The following SMAP2 variants were observed in gnomAD, a reference collection of about 807,000 sequenced individuals.
SMAP2 encodes the protein small ArfGAP2.
A neutral mutation model predicts 56.4 loss-of-function variants in SMAP2; 25 were observed. That is an observed-to-expected ratio of 0.44 (90% confidence interval 0.32 to 0.62). The LOEUF is 0.62. Ranked by LOEUF, SMAP2 falls within the 20% of genes least tolerant of loss-of-function variation. The probability of loss-of-function intolerance (pLI) is 0.04; values close to 1 mark genes in which losing one functional copy is unlikely to be tolerated. For synonymous variants in SMAP2, 157 were observed against 181.7 expected (o/e 0.86, Z 1.09); for missense variants, 388 against 545.6 (o/e 0.71, Z 2.88).
chr1:40,353,002 G>C lies in SMAP2; in HGVS notation c.-83+8092G>C, dbSNP rs1226352248. 2.0e-5 allele frequency among the ~76,000 whole-genome samples: 3 copies of C among 152,294 alleles called. No individual in the cohort carries two copies. The East Asian group carries it at 5.8e-4, about 29-fold the overall frequency. On this transcript the variant is annotated intron_variant, in intron 1 of 6. Transcript: ENST00000435168. ...TGGAGTCAGGCATGACGTTTTCCAT[G>C]GTCCTGACCACCATGGACTCTATGG... is the stretch of plus-strand genomic sequence containing the variant.
At chr1:40,413,291 C>T (rs1644955620) in intron 5 of SMAP2, among the ~76,000 whole-genome samples, 189 bp downstream of exon 5, 1 of 152,192 alleles carries the variant, frequency 6.6e-6, no homozygotes, top group Non-Finnish European at 1.5e-5. Context: ...TAAATCTGCT[C>T]TGTAAGGGCT....
chr1:40,350,449 G>A (rs1644405239), intron 1 of SMAP2, among the ~76,000 whole-genome samples: 2 of 152,342 alleles, frequency 1.3e-5, no homozygotes, highest in South Asian at 4.1e-4. Context: ...TCAGGAATCA[G>A]TGAGAACTTC....
At chr1:40,356,504 G>A (rs1439291959) in intron 1 of SMAP2, among the ~76,000 whole-genome samples, 16 of 149,934 alleles carry the variant, frequency 1.1e-4, no homozygotes, top group African/African-American at 3.7e-4. Context: ...TCTGCCTCCC[G>A]GGTCCACACC....
At chr1:40,347,744 T>G (rs1235132164) in intron 1 of SMAP2, among the ~76,000 whole-genome samples, 1 of 152,212 alleles carries the variant, frequency 6.6e-6, no homozygotes, top group African/African-American at 2.4e-5. Flanking sequence ...TACACATTTT[T>G]AGTGTAGTGT....
chr1:40,389,260 A>T (rs1644692583), intron 1 of SMAP2, among the ~76,000 whole-genome samples: 1 of 152,180 alleles, frequency 6.6e-6, no homozygotes, highest in Non-Finnish European at 1.5e-5. Context: ...AAGGAGGTGG[A>T]TTAGAGGTCC....
intron 7 of SMAP2, 132 bp from the exon 8 acceptor site, chr1:40,416,044 T>C: frequency 1.2e-6 from 1 of 836,498 alleles, no homozygotes; most frequent in Admixed American, 2.4e-5. Flanking sequence ...ATGGTAAAAA[T>C]GTTAGGAAGC....
intron 9 of SMAP2, 105 bp from the exon 10 acceptor site, chr1:40,421,871 C>T (rs1645046533): frequency 7.4e-7 from 1 of 1,349,442 alleles, no homozygotes; most frequent in African/African-American, 1.4e-5. Context: ...TTCCCTTTGT[C>T]TCATTCTCCC....
chr1:40,385,687 T>C lies in SMAP2; in HGVS notation c.103+11464T>C, dbSNP rs529866549. ...TCCTTTTCTTCAAATAGCCATGCTG[T>C]CTTTTGCAGCAGTTGCTGGTGACGG... On this transcript the variant is annotated intron_variant, in intron 1 of 9. Transcript: ENST00000372718. The surrounding 1 kb of genome is among the most constrained non-coding windows in gnomAD (Gnocchi z 4.5). 7.2e-5 allele frequency among the ~76,000 whole-genome samples: 11 copies of C among 152,390 alleles called. No homozygotes were observed. The South Asian group carries it at 2.3e-3, about 32-fold the overall frequency.
At position 40,395,317 on chromosome 1, in the gene SMAP2, G is replaced by A. The variant is rs150217654; in HGVS notation, c.104-11419G>A. ...CTTTATTCCCAGAAACATCACCTAA[G>A]TATACACTAGTTACCTTCCACTGCT... On this transcript the variant is annotated intron_variant, in intron 1 of 9. Transcript: ENST00000372718. Among the ~76,000 whole-genome samples the A allele has an allele frequency of 2.0e-3, 298 of 152,156 alleles. 7 individuals carry two copies. The highest frequency in any genetic ancestry group is 0.014 in the Admixed American group (215 of 15,290).
intron 1 of SMAP2, among the ~76,000 whole-genome samples, chr1:40,356,983 A>T (rs905227901): frequency 6.6e-6 from 1 of 152,052 alleles, no homozygotes; most frequent in African/African-American, 2.4e-5. Flanking sequence ...ATGTCTGTTC[A>T]GATTTTTTGC....
At chr1:40,351,325 C>G (rs1179547614) in intron 1 of SMAP2, among the ~76,000 whole-genome samples, 3 of 152,132 alleles carry the variant, frequency 2.0e-5, no homozygotes, top group Non-Finnish European at 4.4e-5. Flanking sequence ...GTCCATTGCA[C>G]AGATTGCACA....
At chr1:40,406,968 G>T in intron 2 of SMAP2, 99 bp downstream of exon 2, 2 of 1,346,464 alleles carry the variant, frequency 1.5e-6, no homozygotes, top group South Asian at 1.5e-5. Context: ...GAAGATAAAG[G>T]AAAATTTAGT....
chr1:40,361,455 G>GA (rs1644459667), intron 1 of SMAP2, among the ~76,000 whole-genome samples: 1 of 152,020 alleles, frequency 6.6e-6, no homozygotes, highest in Non-Finnish European at 1.5e-5. Context: ...CCTTCTGCTT[G>GA]AAAAAGGAGA....
At chr1:40,359,497 T>G (rs1644450524) in intron 1 of SMAP2, among the ~76,000 whole-genome samples, 1 of 152,234 alleles carries the variant, frequency 6.6e-6, no homozygotes, top group Non-Finnish European at 1.5e-5. Context: ...ATCAGAGAGT[T>G]TAGTCCATTT....
rs535530172 is a variant in SMAP2, at chr1:40,413,212, G to C, written c.489+110G>C. 9 of 810,902 alleles carry C rather than the reference G, an allele frequency of 1.1e-5. No individual in the cohort carries two copies. The African/African-American group carries it at 1.4e-4, about 12-fold the overall frequency. The allele number at this position is 810,902 out of a possible 1,614,324, so 50.2% of individuals were successfully genotyped here. ...GTACCATTGCACCATCACAGCTGGG[G>C]CTAAAGGGTTCTGCATCTGGATTGG... is the stretch of plus-strand genomic sequence containing the variant. On this transcript the variant is annotated intron_variant, in intron 5 of 9. Coordinates refer to ENST00000372718, the MANE Select transcript of SMAP2 (RefSeq NM_022733.3).
intron 1 of SMAP2, among the ~76,000 whole-genome samples, chr1:40,349,770 C>T (rs530178606): frequency 2.0e-5 from 3 of 152,290 alleles, no homozygotes; most frequent in African/African-American, 4.8e-5. Context: ...CTGCCTGCCT[C>T]GGCCTCCCAA....
At chr1:40,357,060 T>C (rs7516753) in intron 1 of SMAP2, among the ~76,000 whole-genome samples, 9,745 of 152,216 alleles carry the variant, frequency 0.064, 1,060 homozygotes, top group African/African-American at 0.22. Context: ...TATATTCTGT[T>C]TATTAAGCCC....
chr1:40,412,930 G>T, intron 4 of SMAP2, 86 bp from the exon 5 acceptor site: 1 of 1,005,692 alleles, frequency 9.9e-7, no homozygotes, highest in Non-Finnish European at 1.5e-6. Context: ...GATTGGAGGT[G>T]TCCTTTTCGG....
rs1645049312 is a variant in SMAP2 at position 40,422,115 on chromosome 1, G to C, written c.*14G>C. 6.2e-7 allele frequency: 1 copy of C among 1,613,424 alleles called. No homozygotes were observed. Among genetic ancestry groups the C allele is most frequent in the South Asian group, 1.1e-5 (1 of 91,058 alleles). On this transcript the variant is annotated 3_prime_UTR_variant, in exon 10 of 10. Transcript: ENST00000372718. ...ATGTGGAAATAAAAACAAAACACCT[G>C]TATGGCTGCCATTCTCTTCAGCCCT...
Sources: allele counts gnomAD v4.1 joint callset (sites outside exome capture counted in the v4.1 genomes callset), GRCh38; gene constraint gnomAD v4.1.1; non-coding constraint Gnocchi (gnomAD v3.1); transcripts MANE v1.5; gene names NCBI Gene and HGNC (gene_info 2026-07-23, HGNC 2026-07-21).